Variants in CLVS1 observed in about 807,000 individuals in gnomAD.
The protein encoded by CLVS1 is clavesin 1.
CLVS1 carries 10 observed loss-of-function variants against 33.1 expected under a neutral mutation model. The observed-to-expected ratio is 0.30, with a 90% CI of 0.19 to 0.51. The LOEUF (loss-of-function observed/expected upper bound fraction) is 0.51, where lower values mean the gene tolerates loss of function less well. Among genes scored for constraint, CLVS1 ranks in the 20% least tolerant of loss-of-function variants. CLVS1 has a pLI of 0.97. For missense variants in CLVS1, 343 were observed against 433.4 expected, an observed-to-expected ratio of 0.79 and a Z score of 1.85; for synonymous variants, 163 against 166.1, an observed-to-expected ratio of 0.98 and a Z score of 0.14.
chr8:61,244,909 CAT>C (rs1808775349), intron 2 of CLVS1, among the ~76,000 whole-genome samples: 1 of 151,846 alleles, frequency 6.6e-6, no homozygotes, highest in Non-Finnish European at 1.5e-5. Flanking sequence ...TAAAAGTTTC[CAT>C]ATGATTGTGT....
chr8:61,090,444 G>A (rs1413393497), intron 1 of CLVS1, among the ~76,000 whole-genome samples: 1 of 152,084 alleles, frequency 6.6e-6, no homozygotes, highest in African/African-American at 2.4e-5. Flanking sequence ...AGGATAGAAG[G>A]AAAGAAGCCT....
chr8:61,493,385 A>G (rs533452035), intron 5 of CLVS1, among the ~76,000 whole-genome samples: 66 of 152,348 alleles, frequency 4.3e-4, no homozygotes, highest in African/African-American at 1.4e-3. Flanking sequence ...AATAGAGAAG[A>G]ATAATAAGAG....
At chr8:61,484,855 A>G (rs1241068371) in intron 5 of CLVS1, among the ~76,000 whole-genome samples, 1 of 152,214 alleles carries the variant, frequency 6.6e-6, no homozygotes, top group African/African-American at 2.4e-5. Context: ...AGGATTCCCT[A>G]TTTAATAAAT....
At chr8:61,480,206 C>T (rs1415514041) in intron 5 of CLVS1, among the ~76,000 whole-genome samples, 1 of 152,212 alleles carries the variant, frequency 6.6e-6, no homozygotes, top group Admixed American at 6.5e-5. Flanking sequence ...GCAGGCAGGC[C>T]TCCTTGAGCT....
chr8:61,023,023 T>C, the CLVS1 span, among the ~76,000 whole-genome samples: 2 of 152,244 alleles, frequency 1.3e-5, no homozygotes, highest in African/African-American at 2.4e-5. Context: ...GCAAAGTTTC[T>C]AAATGTTGCA....
chr8:61,024,257 C>G, the CLVS1 span, among the ~76,000 whole-genome samples: 1 of 152,098 alleles, frequency 6.6e-6, no homozygotes, highest in South Asian at 2.1e-4. Context: ...CAATGGCAAG[C>G]CATTGGTTTT....
intron 2 of CLVS1, among the ~76,000 whole-genome samples, chr8:61,189,541 A>G (rs1277173655): frequency 6.6e-6 from 1 of 152,240 alleles, no homozygotes; most frequent in African/African-American, 2.4e-5. Context: ...TTAAATGTAA[A>G]TGGACTAAAT....
At chr8:61,390,557 C>T (rs1456547550) in intron 3 of CLVS1, among the ~76,000 whole-genome samples, 2 of 152,168 alleles carry the variant, frequency 1.3e-5, no homozygotes, top group Non-Finnish European at 2.9e-5. Flanking sequence ...CACTGGGTAC[C>T]AAACACAAGT....
At chr8:61,190,411 A>G (rs549008360) in intron 2 of CLVS1, among the ~76,000 whole-genome samples, 2 of 152,346 alleles carry the variant, frequency 1.3e-5, no homozygotes. Flanking sequence ...AATGCCCACA[A>G]GAGAAAGCAC....
chr8:61,285,076 T>G (rs1310986671), upstream of CLVS1, among the ~76,000 whole-genome samples: 1 of 152,082 alleles, frequency 6.6e-6, no homozygotes, highest in Non-Finnish European at 1.5e-5. Context: ...AAGGAAACTA[T>G]GAGATTGGAC....
At chr8:61,056,568 C>T (rs183870394), upstream of CLVS1, among the ~76,000 whole-genome samples, 29 of 152,262 alleles carry the variant, frequency 1.9e-4, no homozygotes, top group East Asian at 1.4e-3. Context: ...TTCATATCAG[C>T]GAGTGCCTGA....
At chr8:61,347,823 T>C (rs1198955159) in intron 2 of CLVS1, among the ~76,000 whole-genome samples, 1 of 151,352 alleles carries the variant, frequency 6.6e-6, no homozygotes, top group Non-Finnish European at 1.5e-5. Flanking sequence ...ATGATAGTTC[T>C]ATTTTTAATT....
intron 2 of CLVS1, among the ~76,000 whole-genome samples, chr8:61,357,771 G>C (rs912795944): frequency 6.1e-4 from 93 of 151,842 alleles, no homozygotes; most frequent in African/African-American, 2.1e-3. Context: ...TGGCCAAGCT[G>C]GTCTTCAACT....
chr8:60,977,072 G>A, the CLVS1 span, among the ~76,000 whole-genome samples: 1 of 152,218 alleles, frequency 6.6e-6, no homozygotes, highest in Non-Finnish European at 1.5e-5. Context: ...GTCATTGGCT[G>A]ACTGCAGAGG....
At chr8:61,041,262 A>G in the CLVS1 span, among the ~76,000 whole-genome samples, 1 of 152,080 alleles carries the variant, frequency 6.6e-6, no homozygotes, top group East Asian at 1.9e-4. Flanking sequence ...AAGTCAGACA[A>G]TGTAATGCCT....
intron 5 of CLVS1, among the ~76,000 whole-genome samples, chr8:61,479,313 C>A (rs977977826): frequency 6.6e-6 from 1 of 152,166 alleles, no homozygotes; most frequent in African/African-American, 2.4e-5. Flanking sequence ...AACTTCTCTT[C>A]TTGCTTCATT....
the CLVS1 span, among the ~76,000 whole-genome samples, chr8:61,030,798 T>C: frequency 6.6e-6 from 1 of 152,166 alleles, no homozygotes; most frequent in African/African-American, 2.4e-5. Context: ...TATTCCTAAA[T>C]ACTTTGCTGA....
intron 1 of CLVS1, among the ~76,000 whole-genome samples, chr8:61,101,849 C>T (rs558759674): frequency 6.6e-6 from 1 of 151,460 alleles, no homozygotes; most frequent in South Asian, 2.1e-4. Flanking sequence ...TCCAGCACCA[C>T]TTATTGAAAG....
At chr8:61,312,774 G>A (rs894803155) in intron 2 of CLVS1, among the ~76,000 whole-genome samples, 2 of 152,062 alleles carry the variant, frequency 1.3e-5, no homozygotes, top group Admixed American at 6.6e-5. Context: ...CGACAAAATC[G>A]CAAAGCTCGT....
Sources: gnomAD v4.1 joint callset for allele counts (sites outside exome capture counted in the v4.1 genomes callset) on GRCh38, gnomAD v4.1.1 for gene constraint, MANE v1.5 for transcripts, NCBI Gene and HGNC (gene_info 2026-07-23, HGNC 2026-07-21) for gene names.